EWSR1: variants seen among roughly 807,000 people sequenced by gnomAD.
EWSR1 encodes EWS RNA binding protein 1, also known as RNA-binding protein EWS.
EWSR1 carries 14 observed loss-of-function variants against 92.1 expected under a neutral mutation model. The ratio of observed to expected loss-of-function variants is 0.15; its 90% CI spans 0.10 to 0.24. The LOEUF is 0.24. Ranked by LOEUF, EWSR1 falls within the 10% of genes least tolerant of loss-of-function variation. EWSR1 has a pLI of 1.00. For missense variants in EWSR1, 637 were observed against 870.9 expected, an observed-to-expected ratio of 0.73 and a Z score of 3.38; for synonymous variants, 303 against 292.9, an observed-to-expected ratio of 1.03 and a Z score of -0.35.
Position 29,299,577 on chromosome 22 carries a change from C to G in EWSR1, c.1679-22C>G, listed in dbSNP as rs377529980. The stretch of plus-strand genomic sequence containing the variant: ...TCTGCAGCCACCCACTGACTGCTTT[C>G]GCCCTGCTATTCTCACCTTAGGTGG... On this transcript the variant is annotated intron_variant, in intron 15 of 16. Transcript: ENST00000397938. The G allele has an allele frequency of 4.5e-6, 7 of 1,565,182 alleles. No homozygotes were observed. In the Admixed American group the frequency reaches 8.8e-5, roughly 20 times the overall value.
At chr22:29,285,432 C>A (rs2059952878) in intron 6 of EWSR1, among the ~76,000 whole-genome samples, 1 of 151,164 alleles carries the variant, frequency 6.6e-6, no homozygotes. Flanking sequence ...AATACCAGTT[C>A]TTTTCAAGCT....
At chr22:29,281,175 A>G (rs5997460) in intron 5 of EWSR1, among the ~76,000 whole-genome samples, 127,039 of 151,928 alleles carry the variant, frequency 0.84, 53,328 homozygotes, top group East Asian at 0.96. Context: ...CACCGCTACC[A>G]GCCAATTTTT....
chr22:29,271,540 C>T (rs1218444771), intron 1 of EWSR1, among the ~76,000 whole-genome samples: 1 of 152,132 alleles, frequency 6.6e-6, no homozygotes, highest in African/African-American at 2.4e-5. Flanking sequence ...AGACTAAATG[C>T]TTTTTCTTCT....
At chr22:29,292,075 A>G in intron 9 of EWSR1, 62 bp from the exon 10 acceptor site, 12 of 1,447,434 alleles carry the variant, frequency 8.3e-6, no homozygotes, top group Non-Finnish European at 1.2e-5. Flanking sequence ...GTGTGTTTGT[A>G]AGGTTTGTAG....
chr22:29,280,587 T>C (rs2059484957), intron 5 of EWSR1, among the ~76,000 whole-genome samples: 2 of 152,084 alleles, frequency 1.3e-5, no homozygotes, highest in South Asian at 4.2e-4. Context: ...GTGTTTCCAT[T>C]ACGGAGACTT....
Position 29,287,000 on chromosome 22 carries a change from A to G in EWSR1, c.659A>G (p.Tyr220Cys). ...AACACCTATGGGCAACCGAGCAGCTATGGACAGCAGAGTAGCTATGGTCAA... is the reference window on the plus strand; with the variant it reads ...AACACCTATGGGCAACCGAGCAGCTGTGGACAGCAGAGTAGCTATGGTCAA... Reference protein sequence around the residue: ...QQNTYGQPSSYGQQSSYGQQS... With the variant: ...QQNTYGQPSSCGQQSSYGQQS... The change falls in exon 7 of 17, where the codon TAT becomes TGT. Residue 220 changes from tyrosine to cysteine, a missense_variant. Tyr to Cys is a radical substitution (Grantham distance 194). Coordinates refer to ENST00000397938, the MANE Select transcript of EWSR1 (RefSeq NM_005243.4). The G allele has an allele frequency of 2.5e-6, 4 of 1,613,802 alleles. No homozygotes were observed. The highest frequency in any genetic ancestry group is 3.4e-6 in the Non-Finnish European group (4 of 1,179,850).
chr22:29,294,239 G>C (rs1003594152), intron 11 of EWSR1, among the ~76,000 whole-genome samples: 5 of 152,124 alleles, frequency 3.3e-5, no homozygotes, highest in African/African-American at 1.2e-4. Context: ...TCTAGGTTTC[G>C]TTTATTTTCA....
Position 29,286,140 on chromosome 22 carries a change from G to A in EWSR1, c.582-783G>A, listed in dbSNP as rs547144017. ...AAGCGTGAGCCACCGCACCCGGCCT[G>A]ATTTTTTGGGTTTTTTTTTGGAGAC... is the stretch of plus-strand genomic sequence containing the variant. On this transcript the variant is annotated intron_variant, in intron 6 of 16. Coordinates refer to ENST00000397938, the MANE Select transcript of EWSR1 (RefSeq NM_005243.4). Among the ~76,000 whole-genome samples, 3 of 146,380 alleles carry A rather than the reference G, an allele frequency of 2.0e-5. No homozygotes were observed. The East Asian group carries it at 6.8e-4, about 33-fold the overall frequency.
At chr22:29,276,168 T>C (rs192255749) in intron 4 of EWSR1, 25 of 231,210 alleles carry the variant, frequency 1.1e-4, no homozygotes, top group South Asian at 3.6e-4. Context: ...GTAAATCTTA[T>C]AGACGTGTCA....
intron 1 of EWSR1, among the ~76,000 whole-genome samples, chr22:29,268,569 C>T (rs570122737): frequency 1.4e-3 from 206 of 152,276 alleles, no homozygotes; most frequent in Non-Finnish European, 2.2e-3. Flanking sequence ...GCGCGGGGGG[C>T]TTGCTGCGGC....
At chr22:29,292,426 G>A in intron 10 of EWSR1, 62 bp from the exon 11 acceptor site, 1 of 1,095,460 alleles carries the variant, frequency 9.1e-7, no homozygotes, top group South Asian at 1.3e-5. Flanking sequence ...GTAGTGATCA[G>A]GTAGTTAAGA....
intron 10 of EWSR1, 114 bp downstream of exon 10, chr22:29,292,283 C>A: frequency 8.3e-7 from 1 of 1,211,768 alleles, no homozygotes; most frequent in East Asian, 2.3e-5. Flanking sequence ...TTCTTGCTGT[C>A]AAGGACAGTT....
In EWSR1 at chr22:29,274,167, G is replaced by A. The variant is rs1050672132; in HGVS notation, c.226+303G>A. 3.2e-6 allele frequency: 4 copies of A among 1,263,014 alleles called. No homozygotes were observed. The Admixed American group carries it at 6.8e-5, about 21-fold the overall frequency. The allele number at this position is 1,263,014 out of a possible 1,614,324, so 78.2% of individuals were successfully genotyped here. A position where few individuals can be genotyped will look rare whatever the true frequency, so the allele number is the denominator to read the frequency against. ...TAATGCTAATACTGAGTAAGAATGAGTCTTCTTAAATTGAGCTGCTTAAAA... is the reference window on the plus strand; with the variant it reads ...TAATGCTAATACTGAGTAAGAATGAATCTTCTTAAATTGAGCTGCTTAAAA... On this transcript the variant is annotated intron_variant, in intron 4 of 16. Coordinates refer to ENST00000397938, the MANE Select transcript of EWSR1 (RefSeq NM_005243.4).
At chr22:29,273,367 C>G (rs920677016) in intron 3 of EWSR1, among the ~76,000 whole-genome samples, 1 of 152,232 alleles carries the variant, frequency 6.6e-6, no homozygotes, top group African/African-American at 2.4e-5. Context: ...CTGTGCTACG[C>G]TAAGTGCTAG....
chr22:29,287,912 C>T (rs538952852), intron 7 of EWSR1, among the ~76,000 whole-genome samples: 1 of 152,242 alleles, frequency 6.6e-6, no homozygotes, highest in South Asian at 2.1e-4. Flanking sequence ...TGGTGGCTCA[C>T]ACCTGTAATC....
intron 4 of EWSR1, chr22:29,276,127 T>G: frequency 4.3e-6 from 1 of 231,886 alleles, no homozygotes; most frequent in Non-Finnish European, 8.5e-6. Context: ...CTGATCACTT[T>G]TAGTTTTTTG....
At chr22:29,274,141 C>A in intron 4 of EWSR1, 1 of 1,053,442 alleles carries the variant, frequency 9.5e-7, no homozygotes, top group East Asian at 2.4e-5. Flanking sequence ...AAAGATTTTG[C>A]TAATGCTAAT....
intron 13 of EWSR1, 149 bp from the exon 14 acceptor site, chr22:29,298,584 T>C: frequency 1.1e-6 from 1 of 889,782 alleles, no homozygotes; most frequent in African/African-American, 1.6e-5. Context: ...GGAAGGGGGC[T>C]GATGGCCTGA....
At chr22:29,281,743 G>A (rs193254460) in intron 5 of EWSR1, among the ~76,000 whole-genome samples, 1 of 152,018 alleles carries the variant, frequency 6.6e-6, no homozygotes, top group Non-Finnish European at 1.5e-5. Context: ...ACCATGCCTG[G>A]CTAATTTTTT....
Sources: allele counts gnomAD v4.1 joint callset (sites outside exome capture counted in the v4.1 genomes callset), GRCh38; gene constraint gnomAD v4.1.1; transcripts MANE v1.5; gene names NCBI Gene and HGNC (gene_info 2026-07-23, HGNC 2026-07-21).